The following DNMT3B variants were observed in gnomAD, a reference collection of about 807,000 sequenced individuals.
DNMT3B encodes DNA methyltransferase 3 beta.
DNMT3B carries 37 observed loss-of-function variants against 120.2 expected under a neutral mutation model. The observed-to-expected ratio is 0.31, with a 90% CI of 0.24 to 0.40. DNMT3B has a LOEUF of 0.40. Among genes scored for constraint, DNMT3B ranks in the 10% least tolerant of loss-of-function variants. The pLI is 1.00. For synonymous variants in DNMT3B, 412 were observed against 442.8 expected (o/e 0.93, Z 0.87); for missense variants, 878 against 1,137.3 (o/e 0.77, Z 3.28).
rs201067137 is a variant in DNMT3B at position 32,791,682 on chromosome 20, C to A, written c.895C>A (p.Arg299=). 1.9e-5 allele frequency: 30 copies of A among 1,614,058 alleles called. No homozygotes were observed. Among genetic ancestry groups the A allele is most frequent in the Non-Finnish European group, 2.3e-5 (27 of 1,179,958 alleles). Residue 299 remains arginine, a synonymous_variant, in exon 8 of 23, where the codon CGA becomes AGA. Transcript: ENST00000328111. ...CACCTTCAATAAGCTCGTCTCCTAT[C>A]GAAAAGCCATGTACCATGCTCTGGA... is the stretch of plus-strand genomic sequence containing the variant. ...LATFNKLVSY[R]KAMYHALEKA...
At chr20:32,784,361 G>T (rs908866213) in intron 3 of DNMT3B, among the ~76,000 whole-genome samples, 1 of 152,200 alleles carries the variant, frequency 6.6e-6, no homozygotes, top group African/African-American at 2.4e-5. Context: ...ATGTAACCCT[G>T]TTGTGCTATG....
intron 8 of DNMT3B, among the ~76,000 whole-genome samples, chr20:32,791,944 G>C (rs1335831409): frequency 1.3e-5 from 2 of 152,182 alleles, no homozygotes; most frequent in Non-Finnish European, 2.9e-5. Context: ...GAAAGAGCAC[G>C]GGCAGTTAGG....
At chr20:32,787,197 T>C (rs557914393) in intron 5 of DNMT3B, 33 bp from the exon 6 acceptor site, 4 of 1,614,010 alleles carry the variant, frequency 2.5e-6, no homozygotes, top group East Asian at 4.5e-5. Flanking sequence ...CATCCTTTGC[T>C]CTGGCCCAAA....
chr20:32,772,551 T>C (rs542003961), intron 1 of DNMT3B, among the ~76,000 whole-genome samples: 1 of 152,140 alleles, frequency 6.6e-6, no homozygotes, highest in Non-Finnish European at 1.5e-5. Context: ...TGCCTAGGAT[T>C]CTGCTCCAAT....
rs762297902 is a variant in DNMT3B at position 32,786,602 on chromosome 20, C to A, written c.407C>A (p.Ser136Tyr). ...CAGGGCCGCAACCATGTGGACGAGT[C>A]CCCCGTGGAGTTCCCGGCTACCAGG... ...GRQGRNHVDE[S>Y]PVEFPATRSL... The change falls in exon 5 of 23, where the codon TCC becomes TAC. Residue 136 changes from serine (S) to tyrosine (Y), a missense_variant. By Grantham distance (144) the Ser-to-Tyr change is moderately radical. Coordinates refer to ENST00000328111, the MANE Select transcript of DNMT3B (RefSeq NM_006892.4). The A allele has an allele frequency of 1.2e-5, 19 of 1,613,922 alleles. No individual in the cohort carries two copies. Among genetic ancestry groups the A allele is most frequent in the Middle Eastern group, 1.6e-4 (1 of 6,062 alleles).
In DNMT3B at chr20:32,788,999, G is replaced by A. The variant is rs1357390175; in HGVS notation, c.800G>A (p.Gly267Asp). ...GMRWVQWFGD[G>D]KFSEVSADKL... is the part of the protein sequence containing the mutation. ...CGGTGGGTCCAGTGGTTTGGCGATGGCAAGTTCTCCGAGGTGAGTCCGGGG... is the reference window on the plus strand; with the variant it reads ...CGGTGGGTCCAGTGGTTTGGCGATGACAAGTTCTCCGAGGTGAGTCCGGGG... Residue 267 changes from glycine (G) to aspartate (D), a missense_variant, in exon 7 of 23, where the codon GGC becomes GAC. Gly to Asp is a moderately conservative substitution (Grantham distance 94, BLOSUM62 -1). Transcript: ENST00000328111. 1 of 1,614,170 alleles carries A rather than the reference G, an allele frequency of 6.2e-7. No individual in the cohort carries two copies. Among genetic ancestry groups the A allele is most frequent in the Non-Finnish European group, 8.5e-7 (1 of 1,180,032 alleles).
intron 4 of DNMT3B, among the ~76,000 whole-genome samples, chr20:32,785,665 T>C (rs761699316): frequency 6.6e-6 from 1 of 152,172 alleles, no homozygotes; most frequent in Non-Finnish European, 1.5e-5. Flanking sequence ...TCCAGCAACT[T>C]AACTGAGGTT....
At chr20:32,766,667 A>G (rs576473522) in intron 1 of DNMT3B, among the ~76,000 whole-genome samples, 189 of 152,126 alleles carry the variant, frequency 1.2e-3, no homozygotes, top group African/African-American at 4.1e-3. Context: ...TGCTCACTGC[A>G]ACCTCTGCCT....
At chr20:32,798,400 G>C (rs1452268258) in intron 14 of DNMT3B, 60 bp from the exon 15 acceptor site, 5 of 1,605,070 alleles carry the variant, frequency 3.1e-6, no homozygotes, top group Non-Finnish European at 3.4e-6. Context: ...AAGTGGTAAG[G>C]GGGTGGCACA....
chr20:32,789,067 C>G (rs1979664287), intron 7 of DNMT3B, 55 bp downstream of exon 7: 3 of 1,605,520 alleles, frequency 1.9e-6, no homozygotes, highest in East Asian at 2.2e-5. Context: ...GCCTGCCTGC[C>G]TCCCTTTGAA....
intron 20 of DNMT3B, among the ~76,000 whole-genome samples, 153 bp from the exon 21 acceptor site, chr20:32,805,185 C>T (rs1981826437): frequency 1.3e-5 from 2 of 152,164 alleles, no homozygotes; most frequent in African/African-American, 4.8e-5. Context: ...GGCACACAGG[C>T]TTGTGCTCAT....
At chr20:32,801,729 G>C (rs1269955548) in intron 19 of DNMT3B, among the ~76,000 whole-genome samples, 1 of 151,988 alleles carries the variant, frequency 6.6e-6, no homozygotes, top group Non-Finnish European at 1.5e-5. Flanking sequence ...GGACTACAGG[G>C]GCACACCACC....
chr20:32,779,704 T>G, intron 1 of DNMT3B: 1 of 233,868 alleles, frequency 4.3e-6, no homozygotes, highest in Non-Finnish European at 8.4e-6. Context: ...CCCCAGCTGG[T>G]GAGGGAGGAG....
chr20:32,790,822 G>A (rs541478922), intron 7 of DNMT3B, among the ~76,000 whole-genome samples: 80 of 152,248 alleles, frequency 5.3e-4, no homozygotes, highest in African/African-American at 1.7e-3. Flanking sequence ...GCACACCACT[G>A]TGTTTGGCTC....
At chr20:32,793,432 C>A in intron 9 of DNMT3B, 104 bp from the exon 10 acceptor site, 1 of 1,296,194 alleles carries the variant, frequency 7.7e-7, no homozygotes, top group Non-Finnish European at 1.1e-6. Flanking sequence ...CGCACCACTG[C>A]ATTCAAGCCT....
intron 12 of DNMT3B, 21 bp downstream of exon 12, chr20:32,795,715 G>A: frequency 1.2e-6 from 2 of 1,613,902 alleles, no homozygotes; most frequent in Non-Finnish European, 1.7e-6. Flanking sequence ...CTCCCTCCCA[G>A]TCATCCCCCT....
At chr20:32,787,934 T>G (rs1979520721) in intron 6 of DNMT3B, among the ~76,000 whole-genome samples, 1 of 147,088 alleles carries the variant, frequency 6.8e-6, no homozygotes, top group Non-Finnish European at 1.5e-5. Context: ...CGGGCAGGAG[T>G]GGGGGTCTCA....
intron 2 of DNMT3B, 104 bp downstream of exon 2, chr20:32,780,569 C>T: frequency 6.6e-7 from 1 of 1,510,678 alleles, no homozygotes; most frequent in Non-Finnish European, 8.9e-7. Context: ...ACCTCCACCA[C>T]AATTCCCCGG....
chr20:32,762,825 G>C (rs1987054617), intron 1 of DNMT3B, 126 bp downstream of exon 1: 1 of 152,422 alleles, frequency 6.6e-6, no homozygotes, highest in African/African-American at 2.4e-5. Context: ...CCGAGGAGGG[G>C]CTCTCGCCGG....
Sources: allele counts gnomAD v4.1 joint callset (sites outside exome capture counted in the v4.1 genomes callset), GRCh38; gene constraint gnomAD v4.1.1; transcripts MANE v1.5; gene names NCBI Gene and HGNC (gene_info 2026-07-23, HGNC 2026-07-21).